GOLGA7: variants seen among roughly 807,000 people sequenced by gnomAD.
The protein encoded by GOLGA7 is golgin A7, also known as golgin subfamily A member 7.
GOLGA7 carries 10 observed loss-of-function variants against 21.1 expected under a neutral mutation model. The ratio of observed to expected loss-of-function variants is 0.47; its 90% CI spans 0.29 to 0.80. The LOEUF (loss-of-function observed/expected upper bound fraction) is 0.80. GOLGA7 is among the 30% of genes least tolerant of loss of function. The probability of loss-of-function intolerance (pLI) is 0.08; values close to 1 mark genes in which losing one functional copy is unlikely to be tolerated. For synonymous variants in GOLGA7, 64 were observed against 62.6 expected (o/e 1.02, Z -0.10); for missense variants, 114 against 166.8 (o/e 0.68, Z 1.74).
At chr8:41,496,916 TC>T (rs1269365588) in intron 1 of GOLGA7, among the ~76,000 whole-genome samples, 1 of 149,128 alleles carries the variant, frequency 6.7e-6, no homozygotes, top group African/African-American at 2.5e-5. Flanking sequence ...CACGCCATTC[TC>T]CTGCCTCAGC....
chr8:41,505,323 T>C (rs1221152732), intron 2 of GOLGA7, among the ~76,000 whole-genome samples: 2 of 152,196 alleles, frequency 1.3e-5, no homozygotes, highest in Non-Finnish European at 2.9e-5. Context: ...AAGACACTTG[T>C]ATTTATCAGA....
intron 1 of GOLGA7, among the ~76,000 whole-genome samples, chr8:41,495,175 C>T (rs1480860535): frequency 3.1e-5 from 4 of 127,434 alleles, no homozygotes; most frequent in Non-Finnish European, 6.3e-5. Flanking sequence ...TGCACTCCAG[C>T]CAGGGTGACA....
chr8:41,502,934 G>T (rs983973220), intron 2 of GOLGA7, among the ~76,000 whole-genome samples: 1 of 152,094 alleles, frequency 6.6e-6, no homozygotes, highest in Non-Finnish European at 1.5e-5. Context: ...ATTTCTTGGG[G>T]GTGAGAATGG....
intron 1 of GOLGA7, among the ~76,000 whole-genome samples, chr8:41,495,180 G>T (rs1443246794): frequency 1.5e-5 from 2 of 129,912 alleles, no homozygotes; most frequent in African/African-American, 6.0e-5. Context: ...TCCAGCCAGG[G>T]TGACAGAGTG....
At chr8:41,498,097 C>A (rs1036181627) in intron 2 of GOLGA7, among the ~76,000 whole-genome samples, 1 of 152,238 alleles carries the variant, frequency 6.6e-6, no homozygotes, top group Non-Finnish European at 1.5e-5. Flanking sequence ...GTCAATAGCA[C>A]CCCTGTCTTT....
At position 41,497,396 on chromosome 8, in the gene GOLGA7, C is replaced by T. The variant is rs1367608019; in HGVS notation, c.112-113C>T. ...GGTAACTTAGGCCCAGATTTAGTCA[C>T]CAAAAAAATTGTCAACTAAGAATGG... On this transcript the variant is annotated intron_variant, in intron 1 of 4. Coordinates refer to ENST00000357743, the MANE Select transcript of GOLGA7 (RefSeq NM_001002296.2). The T allele has an allele frequency of 1.5e-5, 9 of 618,470 alleles. No homozygotes were observed. The South Asian group carries it at 2.1e-4, about 15-fold the overall frequency. The allele number at this position is 618,470 out of a possible 1,614,324, so 38.3% of individuals were successfully genotyped here. A position where few individuals can be genotyped will look rare whatever the true frequency, so the allele number is the denominator to read the frequency against.
intron 1 of GOLGA7, among the ~76,000 whole-genome samples, chr8:41,493,410 C>T (rs567544522): frequency 6.6e-6 from 1 of 152,174 alleles, no homozygotes; most frequent in Non-Finnish European, 1.5e-5. Flanking sequence ...TAAAAATACA[C>T]ACACATTTGT....
chr8:41,507,256 T>C, intron 4 of GOLGA7, 135 bp downstream of exon 4: 1 of 616,858 alleles, frequency 1.6e-6, no homozygotes, highest in Non-Finnish European at 2.9e-6. Flanking sequence ...TAGCTTAAGC[T>C]AGTCACTGTA....
chr8:41,502,971 A>G (rs1806184991), intron 2 of GOLGA7, among the ~76,000 whole-genome samples: 1 of 152,184 alleles, frequency 6.6e-6, no homozygotes, highest in African/African-American at 2.4e-5. Context: ...AGATTGTGGT[A>G]TGAGTTTACA....
intron 4 of GOLGA7, among the ~76,000 whole-genome samples, chr8:41,508,161 AC>A (rs1245132001): frequency 6.6e-6 from 1 of 152,228 alleles, no homozygotes; most frequent in African/African-American, 2.4e-5. Context: ...TGTCTTTTAC[AC>A]CGTACTTCCT....
chr8:41,506,896 T>G (rs1806299831), intron 3 of GOLGA7, 163 bp from the exon 4 acceptor site: 10 of 648,892 alleles, frequency 1.5e-5, no homozygotes. Flanking sequence ...TCTTAAAATT[T>G]TCAGCAAATT....
intron 4 of GOLGA7, among the ~76,000 whole-genome samples, 174 bp downstream of exon 4, chr8:41,507,295 G>A (rs981235469): frequency 4.6e-5 from 7 of 152,104 alleles, no homozygotes; most frequent in Non-Finnish European, 1.0e-4. Flanking sequence ...TGTGTATTCG[G>A]CCCAAGTTCT....
rs1314129739 is a variant in GOLGA7 at position 41,509,870 on chromosome 8, G to A, written c.*302G>A. 1 of 152,514 alleles carries A rather than the reference G, an allele frequency of 6.6e-6. No individual in the cohort carries two copies. The highest frequency in any genetic ancestry group is 1.9e-4 in the East Asian group (1 of 5,196). 9.4% of individuals were successfully genotyped at this position (152,514 alleles called of 1,614,324 possible). On this transcript the variant is annotated 3_prime_UTR_variant, in exon 5 of 5. Transcript: ENST00000357743. ...CAAAGCCATTTAATAAAACACAGTT[G>A]GTCAGCCCAGTGCAAAGCTTGTTAT...
chr8:41,501,671 C>T (rs532793844), intron 2 of GOLGA7, among the ~76,000 whole-genome samples: 11 of 152,328 alleles, frequency 7.2e-5, no homozygotes, highest in African/African-American at 2.4e-4. Context: ...GCTAGGGCTA[C>T]AGGCATGAGC....
At chr8:41,490,557 G>T (rs369519334), upstream of GOLGA7, 6 of 396,266 alleles carry the variant, frequency 1.5e-5, no homozygotes, top group South Asian at 1.6e-4. Context: ...GAGGCTTTTT[G>T]CGGCAGGACG....
intron 1 of GOLGA7, among the ~76,000 whole-genome samples, chr8:41,494,005 CT>C (rs59354481): frequency 0.14 from 21,599 of 152,200 alleles, 1,612 homozygotes; most frequent in African/African-American, 0.18. Flanking sequence ...GATTTTTACC[CT>C]TTATTTCCCT....
At chr8:41,509,155 GATA>G (rs1224995068) in intron 4 of GOLGA7, among the ~76,000 whole-genome samples, 1 of 152,138 alleles carries the variant, frequency 6.6e-6, no homozygotes, top group African/African-American at 2.4e-5. Context: ...CACAACTAGT[GATA>G]ATAAAAACAG....
At position 41,496,876 on chromosome 8, in the gene GOLGA7, C is replaced by T. The variant is rs377003150; in HGVS notation, c.112-633C>T. 3.0e-3 allele frequency among the ~76,000 whole-genome samples: 408 copies of T among 137,734 alleles called. 2 individuals carry two copies. The highest frequency in any genetic ancestry group is 0.012 in the South Asian group (52 of 4,382). 90.4% of individuals were successfully genotyped at this position (137,734 alleles called of 152,430 possible). ...AGGCTGGAGTGCAGTGGCGCAGTCT[C>T]GGCTCACTGCAAGCTCCACCTCCCG... On this transcript the variant is annotated intron_variant, in intron 1 of 4. Transcript: ENST00000357743.
intron 2 of GOLGA7, among the ~76,000 whole-genome samples, chr8:41,505,662 TG>T (rs2150446538): frequency 6.6e-6 from 1 of 152,342 alleles, no homozygotes; most frequent in African/African-American, 2.4e-5. Context: ...GTTCTCATCG[TG>T]CCATTGTATG....
Sources: gnomAD v4.1 joint callset for allele counts (sites outside exome capture counted in the v4.1 genomes callset) on GRCh38, gnomAD v4.1.1 for gene constraint, MANE v1.5 for transcripts, NCBI Gene and HGNC (gene_info 2026-07-23, HGNC 2026-07-21) for gene names.